The following SLC12A7 variants were observed in gnomAD, a reference collection of about 807,000 sequenced individuals.
SLC12A7 encodes solute carrier family 12 member 7.
Under a neutral mutation model 120.6 loss-of-function variants are expected in SLC12A7, and 100 were observed. The ratio of observed to expected loss-of-function variants is 0.83; its 90% CI spans 0.71 to 0.98. The LOEUF (loss-of-function observed/expected upper bound fraction) is 0.98. Ranked by LOEUF, SLC12A7 falls within the 50% of genes least tolerant of loss-of-function variation. The pLI, the probability that SLC12A7 is intolerant of heterozygous loss-of-function variation, is 0.00. For missense variants in SLC12A7, 1,373 were observed against 1,548.1 expected (o/e 0.89, Z 1.90); for synonymous variants, 760 against 678.0 (o/e 1.12, Z -1.88).
chr5:1,087,476 C>T (rs1739996489), intron 5 of SLC12A7, among the ~76,000 whole-genome samples: 1 of 152,282 alleles, frequency 6.6e-6, no homozygotes, highest in Non-Finnish European at 1.5e-5. Flanking sequence ...GGGCGCAACC[C>T]CAGGGCTGCC....
the SLC12A7 span, among the ~76,000 whole-genome samples, chr5:1,139,066 G>GT: frequency 4.1e-5 from 4 of 97,376 alleles, no homozygotes; most frequent in African/African-American, 1.4e-4. Context: ...CAAGCTTGGG[G>GT]TGGGGGGGGG....
chr5:1,090,452 G>A (rs1740371771), intron 3 of SLC12A7, among the ~76,000 whole-genome samples: 1 of 152,308 alleles, frequency 6.6e-6, no homozygotes, highest in African/African-American at 2.4e-5. Context: ...GACGGGGCTG[G>A]GGGCCGCTGC....
At chr5:1,121,913 G>A in the SLC12A7 span, among the ~76,000 whole-genome samples, 2 of 152,082 alleles carry the variant, frequency 1.3e-5, no homozygotes, top group African/African-American at 4.8e-5. Flanking sequence ...CATGAGAGGG[G>A]GCCCCTTCAT....
chr5:1,118,774 C>T, the SLC12A7 span, among the ~76,000 whole-genome samples: 12,279 of 152,284 alleles, frequency 0.081, 744 homozygotes, highest in African/African-American at 0.17. Flanking sequence ...AACAGCTGTG[C>T]TCATAACATC....
In SLC12A7 at chr5:1,093,746, C is replaced by T. The variant is rs6883412; in HGVS notation, c.220-91G>A. 0.48 allele frequency: 746,483 copies of T among 1,556,290 alleles called. 185,190 individuals are homozygous for T. Among genetic ancestry groups the T allele is most frequent in the East Asian group, 0.81 (35,241 of 43,458 alleles). On this transcript the variant is annotated intron_variant, in intron 2 of 23. Transcript: ENST00000264930. ...CGTGTTCAGGGTGTGGAGCTCAGGCCCTCCCCGGGTCCTCAGCCCCTGGGT... is the reference window on the plus strand; with the variant it reads ...CGTGTTCAGGGTGTGGAGCTCAGGCTCTCCCCGGGTCCTCAGCCCCTGGGT...
rs567898218 is a variant in SLC12A7, at chr5:1,051,386, G to A, written c.*974C>T. ...AGGCTGAACTGTGTGCCGTGCTCCT[G>A]GGGTGGGGTGGGGTGGGGAGGGCAG... is the stretch of plus-strand genomic sequence containing the variant. On this transcript the variant is annotated 3_prime_UTR_variant, in exon 24 of 24. Transcript: ENST00000264930. 9 of 153,398 alleles carry A rather than the reference G, an allele frequency of 5.9e-5. No individual in the cohort carries two copies. The highest frequency in any genetic ancestry group is 1.2e-4 in the Non-Finnish European group (8 of 69,254). The allele number at this position is 153,398 out of a possible 1,614,324, so 9.5% of individuals were successfully genotyped here.
intron 18 of SLC12A7, among the ~76,000 whole-genome samples, chr5:1,064,455 A>C (rs1736698793): frequency 1.3e-5 from 2 of 152,200 alleles, no homozygotes; most frequent in African/African-American, 4.8e-5. Context: ...TGTCCAGGGA[A>C]TCCCCCAGCC....
chr5:1,115,936 C>T (rs1456435842), upstream of SLC12A7, among the ~76,000 whole-genome samples: 1 of 141,414 alleles, frequency 7.1e-6, no homozygotes, highest in East Asian at 2.0e-4. Context: ...AAAAACAAAC[C>T]TTTTTTTTTT....
At chr5:1,097,380 G>A (rs1741372150) in intron 1 of SLC12A7, among the ~76,000 whole-genome samples, 1 of 152,104 alleles carries the variant, frequency 6.6e-6, no homozygotes, top group Admixed American at 6.5e-5. Flanking sequence ...ACGCCTATCA[G>A]GCCCCAAGAA....
intron 8 of SLC12A7, among the ~76,000 whole-genome samples, chr5:1,082,572 T>C (rs1461061320): frequency 1.5e-4 from 18 of 119,106 alleles, no homozygotes; most frequent in African/African-American, 5.7e-4. Flanking sequence ...TTCTGGAAAG[T>C]CCGGGCTTCC....
intron 17 of SLC12A7, among the ~76,000 whole-genome samples, chr5:1,069,108 G>A (rs1287264876): frequency 6.6e-6 from 1 of 152,282 alleles, no homozygotes; most frequent in Non-Finnish European, 1.5e-5. Flanking sequence ...AACCCGTGGT[G>A]AGCCATGACG....
At chr5:1,107,614 G>C (rs1019203736) in intron 1 of SLC12A7, among the ~76,000 whole-genome samples, 1 of 152,212 alleles carries the variant, frequency 6.6e-6, no homozygotes, top group African/African-American at 2.4e-5. Context: ...CTGCACCCAG[G>C]CCTGAGCACC....
At chr5:1,091,063 C>T (rs1254297328) in intron 3 of SLC12A7, among the ~76,000 whole-genome samples, 1 of 152,204 alleles carries the variant, frequency 6.6e-6, no homozygotes, top group African/African-American at 2.4e-5. Context: ...AACAACAGGC[C>T]TGCTGGGGTC....
At chr5:1,098,324 C>G (rs1741566855) in intron 1 of SLC12A7, among the ~76,000 whole-genome samples, 1 of 17,596 alleles carries the variant, frequency 5.7e-5, no homozygotes, top group Non-Finnish European at 1.2e-4. Flanking sequence ...GCTCACCCAG[C>G]CCCCCTCTAA....
rs867512037 is a variant in SLC12A7 at position 1,073,202 on chromosome 5, C to T, written c.2241+431G>A. On this transcript the variant is annotated intron_variant, in intron 17 of 23. Coordinates refer to ENST00000264930, the MANE Select transcript of SLC12A7 (RefSeq NM_006598.3). Reference sequence around the variant, plus strand: ...CCCCAGTGAGCCCCCAGCACACGGGCATCACACTTATGCAGCCCCCAGTGA... The same window carrying T: ...CCCCAGTGAGCCCCCAGCACACGGGTATCACACTTATGCAGCCCCCAGTGA... Among the ~76,000 whole-genome samples the T allele has an allele frequency of 5.2e-3, 22 of 4,198 alleles. 1 individual carries two copies. Among genetic ancestry groups the T allele is most frequent in the South Asian group, 0.017 (1 of 58 alleles). 2.8% of individuals were successfully genotyped at this position (4,198 alleles called of 152,430 possible). A position where few individuals can be genotyped will look rare whatever the true frequency, so the allele number is the denominator to read the frequency against.
chr5:1,089,571 TAAAA>T (rs35078056), intron 3 of SLC12A7, among the ~76,000 whole-genome samples: 3 of 112,386 alleles, frequency 2.7e-5, no homozygotes. Context: ...CCCATAAAGC[TAAAA>T]AAAAAAAAAA....
intron 20 of SLC12A7, among the ~76,000 whole-genome samples, chr5:1,061,192 C>T (rs1405500490): frequency 3.8e-5 from 1 of 26,296 alleles, no homozygotes; most frequent in African/African-American, 5.1e-5. Context: ...CCACCGCACC[C>T]GCCGTGCGGG....
chr5:1,089,885 C>G (rs887513769), intron 3 of SLC12A7, among the ~76,000 whole-genome samples: 1 of 152,254 alleles, frequency 6.6e-6, no homozygotes, highest in Non-Finnish European at 1.5e-5. Context: ...AGTTTCAGCT[C>G]CATCCCCACT....
chr5:1,137,031 GCT>G, the SLC12A7 span, among the ~76,000 whole-genome samples: 1 of 151,844 alleles, frequency 6.6e-6, no homozygotes, highest in Admixed American at 6.6e-5. Context: ...ACACACACGT[GCT>G]CACACACTCC....
Sources: gnomAD v4.1 joint callset for allele counts (sites outside exome capture counted in the v4.1 genomes callset) on GRCh38, gnomAD v4.1.1 for gene constraint, MANE v1.5 for transcripts, NCBI Gene and HGNC (gene_info 2026-07-23, HGNC 2026-07-21) for gene names.